The following STAM2 variants were observed in gnomAD, a reference collection of about 807,000 sequenced individuals.
STAM2 encodes signal transducing adaptor molecule 2.
STAM2 carries 51 observed loss-of-function variants against 65.6 expected under a neutral mutation model. That is an observed-to-expected ratio of 0.78 (90% CI 0.62 to 0.98). The LOEUF (loss-of-function observed/expected upper bound fraction) is 0.98. Among genes scored for constraint, STAM2 ranks in the 50% least tolerant of loss-of-function variants. The pLI is 0.00. For missense variants in STAM2, 584 were observed against 617.8 expected (o/e 0.95, Z 0.58); for synonymous variants, 198 against 208.4 (o/e 0.95, Z 0.43).
chr2:152,158,077 A>G (rs370720339), intron 1 of STAM2, among the ~76,000 whole-genome samples: 1 of 152,264 alleles, frequency 6.6e-6, no homozygotes, highest in African/African-American at 2.4e-5. Flanking sequence ...CTTTAGAGAC[A>G]TTATTATATT....
Position 152,144,871 on chromosome 2 carries a change from T to C in STAM2, c.517+17A>G, listed in dbSNP as rs763807619. On this transcript the variant is annotated intron_variant, in intron 6 of 13. Coordinates refer to ENST00000263904, the MANE Select transcript of STAM2 (RefSeq NM_005843.6). ...ATATTTTAAGCAACACTAAATTACA[T>C]GTGCTTGATCATTTACCTTTAGCTA... 17 of 1,609,956 alleles carry C rather than the reference T, an allele frequency of 1.1e-5. No homozygotes were observed. Among genetic ancestry groups the C allele is most frequent in the South Asian group, 2.2e-5 (2 of 90,966 alleles).
In STAM2 at chr2:152,148,261, A is replaced by G. The variant is rs1346384187; in HGVS notation, c.165T>C (p.Asn55=). ...DCLKAIMKRV[N]HKVPHVALQA... is the part of the protein sequence containing the mutation. ...GCAGAGCAACATGTGGAACCTTATGATTTACCCTTTTCATTATGGCTTTTA... is the reference window on the plus strand; with the variant it reads ...GCAGAGCAACATGTGGAACCTTATGGTTTACCCTTTTCATTATGGCTTTTA... Residue 55 remains asparagine, a synonymous_variant, in exon 3 of 14, where the codon AAT becomes AAC. Coordinates refer to ENST00000263904, the MANE Select transcript of STAM2 (RefSeq NM_005843.6). 2 of 1,611,686 alleles carry G rather than the reference A, an allele frequency of 1.2e-6. No individual in the cohort carries two copies. The highest frequency in any genetic ancestry group is 3.3e-5 in the Admixed American group (2 of 59,730).
chr2:152,172,162 A>G (rs943309465), intron 1 of STAM2, among the ~76,000 whole-genome samples: 1 of 152,198 alleles, frequency 6.6e-6, no homozygotes, highest in Non-Finnish European at 1.5e-5. Context: ...CTCAGAACAC[A>G]TCAAAGAAAT....
chr2:152,146,208 T>C (rs1486388498), intron 5 of STAM2, among the ~76,000 whole-genome samples: 1 of 148,300 alleles, frequency 6.7e-6, no homozygotes, highest in Non-Finnish European at 1.5e-5. Context: ...GAGACAGAGA[T>C]TGCAGTGAGC....
At position 152,132,175 on chromosome 2, in the gene STAM2, A is replaced by T. The variant is rs374198458; in HGVS notation, c.971-7T>A. ...CCCATCTGTTGGCAGATATCTGTAA[A>T]TACAAAAATACTTACAAATATAGAA... On this transcript the variant is annotated splice_polypyrimidine_tract_variant and splice_region_variant and intron_variant, in intron 10 of 13. Coordinates refer to ENST00000263904, the MANE Select transcript of STAM2 (RefSeq NM_005843.6). 3.7e-5 allele frequency: 59 copies of T among 1,600,318 alleles called. No individual in the cohort carries two copies. Among genetic ancestry groups the T allele is most frequent in the Non-Finnish European group, 4.8e-5 (56 of 1,170,988 alleles).
intron 12 of STAM2, 143 bp downstream of exon 12, chr2:152,126,083 C>T: frequency 1.5e-6 from 1 of 670,880 alleles, no homozygotes; most frequent in Non-Finnish European, 2.2e-6. Context: ...ATTGTTTAGC[C>T]AATATTTACT....
intron 1 of STAM2, among the ~76,000 whole-genome samples, chr2:152,173,407 T>TGTATACATA (rs1399231855): frequency 6.8e-6 from 1 of 147,672 alleles, no homozygotes; most frequent in Non-Finnish European, 1.5e-5. Flanking sequence ...TATATATATA[T>TGTATACATA]TTTTTTTCGA....
chr2:152,154,445 GTC>G (rs1689504578), intron 1 of STAM2, among the ~76,000 whole-genome samples: 1 of 152,164 alleles, frequency 6.6e-6, no homozygotes, highest in Non-Finnish European at 1.5e-5. Context: ...GTAAAACCCT[GTC>G]TCTACAAAAA....
chr2:152,152,564 A>C (rs189184213), intron 1 of STAM2, among the ~76,000 whole-genome samples: 49 of 151,144 alleles, frequency 3.2e-4, no homozygotes, highest in African/African-American at 7.5e-4. Flanking sequence ...AAAACAACAA[A>C]AAAAAAACTT....
In STAM2 at chr2:152,123,765, C is replaced by A; in HGVS notation, c.1349+1G>T. 1.9e-6 allele frequency: 3 copies of A among 1,613,392 alleles called. No individual in the cohort carries two copies. The highest frequency in any genetic ancestry group is 2.5e-6 in the Non-Finnish European group (3 of 1,179,834). On this transcript the variant is annotated splice_donor_variant, in intron 13 of 13. Coordinates refer to ENST00000263904, the MANE Select transcript of STAM2 (RefSeq NM_005843.6). LOFTEE classifies it high-confidence loss of function. ...AAATTAACACAGCTCCCAAAACTTA[C>A]CTTAAATATGAAGTTTGAGCAGGCT...
At chr2:152,125,974 AC>A in intron 12 of STAM2, 1 of 311,772 alleles carries the variant, frequency 3.2e-6, no homozygotes, top group South Asian at 8.7e-5. Context: ...AACCAGAACT[AC>A]CCTCACATAT....
chr2:152,166,744 C>A lies in STAM2; in HGVS notation c.40+8859G>T, dbSNP rs1579336756. ...GTACTGCTGGGGACAAACCAAAACA[C>A]TGCACATGCTAGATTTCTTTAAGCA... On this transcript the variant is annotated intron_variant, in intron 1 of 13. Transcript: ENST00000263904. 2.6e-5 allele frequency among the ~76,000 whole-genome samples: 4 copies of A among 152,270 alleles called. No individual in the cohort carries two copies. In the East Asian group the frequency reaches 7.7e-4, roughly 29 times the overall value.
intron 1 of STAM2, among the ~76,000 whole-genome samples, chr2:152,164,200 G>A (rs1415610036): frequency 6.6e-6 from 1 of 152,050 alleles, no homozygotes; most frequent in Non-Finnish European, 1.5e-5. Flanking sequence ...CAGACTGGCC[G>A]ACACTTAGGA....
intron 1 of STAM2, among the ~76,000 whole-genome samples, chr2:152,159,499 CT>C (rs962145326): frequency 3.9e-5 from 6 of 152,062 alleles, no homozygotes; most frequent in East Asian, 1.9e-4. Context: ...AGAAAAGCCA[CT>C]TTTTTTCTAG....
intron 8 of STAM2, among the ~76,000 whole-genome samples, chr2:152,134,544 T>C (rs981684081): frequency 2.6e-5 from 4 of 152,216 alleles, no homozygotes; most frequent in African/African-American, 9.7e-5. Context: ...ACATGCATAA[T>C]GCTTTCATTT....
chr2:152,149,847 A>G (rs770140607), intron 2 of STAM2, among the ~76,000 whole-genome samples: 11 of 152,176 alleles, frequency 7.2e-5, no homozygotes, highest in Non-Finnish European at 1.3e-4. Flanking sequence ...CATAAACAGT[A>G]GATGGACATA....
intron 2 of STAM2, among the ~76,000 whole-genome samples, chr2:152,149,826 C>T (rs553521390): frequency 2.9e-4 from 44 of 152,126 alleles, no homozygotes; most frequent in African/African-American, 1.0e-3. Context: ...GACCAGAAGC[C>T]TCACCAATAC....
At chr2:152,136,469 A>G (rs1689157079) in intron 7 of STAM2, among the ~76,000 whole-genome samples, 1 of 152,124 alleles carries the variant, frequency 6.6e-6, no homozygotes, top group South Asian at 2.1e-4. Flanking sequence ...AAAAAATTAA[A>G]AAGTAAACAG....
chr2:152,136,294 T>G (rs1249641499), intron 7 of STAM2, among the ~76,000 whole-genome samples: 1 of 151,308 alleles, frequency 6.6e-6, no homozygotes, highest in Non-Finnish European at 1.5e-5. Flanking sequence ...AATACAAAAA[T>G]TAGCCGGGTG....
Sources: allele counts gnomAD v4.1 joint callset (sites outside exome capture counted in the v4.1 genomes callset), GRCh38; gene constraint gnomAD v4.1.1; transcripts MANE v1.5; gene names NCBI Gene and HGNC (gene_info 2026-07-23, HGNC 2026-07-21).